The following ESYT2 variants were observed in gnomAD, a reference collection of about 807,000 sequenced individuals.
ESYT2 encodes extended synaptotagmin 2, also known as extended synaptotagmin-2.
A neutral mutation model predicts 107.2 loss-of-function variants in ESYT2; 54 were observed. The ratio of observed to expected loss-of-function variants is 0.50; its 90% CI spans 0.40 to 0.63. The LOEUF is 0.63. Among genes scored for constraint, ESYT2 ranks in the 30% least tolerant of loss-of-function variants. ESYT2 has a pLI of 0.00. For missense variants in ESYT2, 1,020 were observed against 1,094.5 expected (o/e 0.93, Z 0.96); for synonymous variants, 491 against 434.1 (o/e 1.13, Z -1.63).
At chr7:158,760,192 C>A in intron 11 of ESYT2, 45 bp from the exon 12 acceptor site, 1 of 1,559,260 alleles carries the variant, frequency 6.4e-7, no homozygotes, top group East Asian at 2.2e-5. Flanking sequence ...TCTTCTGAAT[C>A]AAAAATCCAA....
intron 13 of ESYT2, among the ~76,000 whole-genome samples, chr7:158,754,295 C>T (rs1837680513): frequency 1.3e-5 from 2 of 152,210 alleles, no homozygotes; most frequent in African/African-American, 4.8e-5. Flanking sequence ...CAACCTCCAC[C>T]TCCTGGGTTC....
chr7:158,756,977 A>C (rs1156478638), intron 13 of ESYT2, among the ~76,000 whole-genome samples: 2 of 151,858 alleles, frequency 1.3e-5, no homozygotes, highest in African/African-American at 2.4e-5. Flanking sequence ...GTGAAACTTT[A>C]CAAAAAAATT....
At position 158,781,620 on chromosome 7, in the gene ESYT2, CGA is replaced by C. The variant is rs1354832298; in HGVS notation, c.747+6382_747+6383del. On this transcript the variant is annotated intron_variant, in intron 6 of 22. Coordinates refer to ENST00000275418, the MANE Select transcript of ESYT2 (RefSeq NM_001367773.1). ...AAGACCGAGAACAAGTGTGAATGAA[CGA>C]GTGTGAGAACAAAGTGAGGTGTGTG... Among the ~76,000 whole-genome samples the C allele has an allele frequency of 9.0e-3, 717 of 79,578 alleles. 2 individuals are homozygous for C. The highest frequency in any genetic ancestry group is 0.021 in the African/African-American group (687 of 32,908). 52.2% of individuals were successfully genotyped at this position (79,578 alleles called of 152,430 possible).
intron 1 of ESYT2, among the ~76,000 whole-genome samples, chr7:158,816,965 T>A (rs1042629151): frequency 2.0e-5 from 3 of 152,222 alleles, no homozygotes; most frequent in African/African-American, 7.2e-5. Context: ...ATTTAAAGAT[T>A]TGTAGCACAA....
Position 158,743,681 on chromosome 7 carries a change from G to A in ESYT2, c.1645-3C>T. ...CACTGGTGCTGCTCGTCTCTGACCT[G>A]CAAAACACAGGGTGGAAACACTGGC... is the stretch of plus-strand genomic sequence containing the variant. On this transcript the variant is annotated splice_region_variant and splice_polypyrimidine_tract_variant and intron_variant, in intron 16 of 22. Transcript: ENST00000275418. The A allele has an allele frequency of 2.5e-6, 4 of 1,606,170 alleles. No individual in the cohort carries two copies. Among genetic ancestry groups the A allele is most frequent in the Non-Finnish European group, 3.4e-6 (4 of 1,177,868 alleles).
At chr7:158,748,052 C>T (rs888047944) in intron 16 of ESYT2, 142 bp downstream of exon 16, 74 of 696,546 alleles carry the variant, frequency 1.1e-4, no homozygotes, top group Non-Finnish European at 1.7e-4. Flanking sequence ...AGGGGAGGCC[C>T]GGGTTACAGA....
At chr7:158,770,543 C>T (rs934907738) in intron 7 of ESYT2, among the ~76,000 whole-genome samples, 1 of 151,334 alleles carries the variant, frequency 6.6e-6, no homozygotes, top group Middle Eastern at 3.2e-3. Context: ...GAGACGGAGT[C>T]TCACTCTGTC....
chr7:158,743,711 C>G (rs71547563), intron 16 of ESYT2, 33 bp from the exon 17 acceptor site: 142,762 of 1,570,628 alleles, frequency 0.091, 7,671 homozygotes, highest in African/African-American at 0.11. Flanking sequence ...ACTGGCATAA[C>G]TAGGATCATG....
At position 158,814,042 on chromosome 7, in the gene ESYT2, G is replaced by A. The variant is rs533564264; in HGVS notation, c.331-14970C>T. 1.5e-3 allele frequency among the ~76,000 whole-genome samples: 224 copies of A among 152,016 alleles called. 1 individual carries two copies. The highest frequency in any genetic ancestry group is 5.2e-3 in the African/African-American group (216 of 41,438). Reference sequence around the variant, plus strand: ...TGATCCCAGCACTTTGGGAGGCCGAGGCAGGTGGATCACGAGGTCAGGAGA... The same window carrying A: ...TGATCCCAGCACTTTGGGAGGCCGAAGCAGGTGGATCACGAGGTCAGGAGA... On this transcript the variant is annotated intron_variant, in intron 1 of 22. Transcript: ENST00000275418.
intron 3 of ESYT2, among the ~76,000 whole-genome samples, chr7:158,795,017 G>C (rs1210547216): frequency 6.6e-6 from 1 of 152,178 alleles, no homozygotes; most frequent in Non-Finnish European, 1.5e-5. Context: ...AAATGGGGCA[G>C]GCATGATGTG....
At chr7:158,736,782 T>A (rs1315485734) in intron 20 of ESYT2, among the ~76,000 whole-genome samples, 1 of 152,246 alleles carries the variant, frequency 6.6e-6, no homozygotes, top group Non-Finnish European at 1.5e-5. Context: ...AATGAGTTCT[T>A]CAGGGCCATC....
intron 3 of ESYT2, among the ~76,000 whole-genome samples, chr7:158,796,684 C>G (rs1477789431): frequency 6.6e-6 from 1 of 152,182 alleles, no homozygotes; most frequent in African/African-American, 2.4e-5. Context: ...GCACCGCGGA[C>G]AAGAAGGCAG....
chr7:158,818,559 G>C (rs1840207060), intron 1 of ESYT2, among the ~76,000 whole-genome samples: 1 of 152,224 alleles, frequency 6.6e-6, no homozygotes. Flanking sequence ...GCCACACCAG[G>C]ACTTGCCTGC....
intron 16 of ESYT2, among the ~76,000 whole-genome samples, chr7:158,744,914 T>C (rs904474910): frequency 4.6e-5 from 7 of 152,184 alleles, no homozygotes; most frequent in Non-Finnish European, 8.8e-5. Context: ...ACAATGTTTG[T>C]GGAACTTTAA....
intron 1 of ESYT2, among the ~76,000 whole-genome samples, chr7:158,799,681 G>A (rs1310788042): frequency 6.6e-6 from 1 of 152,172 alleles, no homozygotes; most frequent in Non-Finnish European, 1.5e-5. Context: ...CTTCCCTTTT[G>A]CTTTTCTCTT....
At chr7:158,748,318 C>A (rs766327574) in intron 15 of ESYT2, 38 bp from the exon 16 acceptor site, 72 of 1,528,450 alleles carry the variant, frequency 4.7e-5, no homozygotes, top group Non-Finnish European at 6.2e-5. Flanking sequence ...CTGATATTTT[C>A]TGTGGAAAAG....
At position 158,733,833 on chromosome 7, in the gene ESYT2, A is replaced by G. The variant is rs1836824799; in HGVS notation, c.*374T>C. 6.2e-6 allele frequency: 1 copy of G among 161,002 alleles called. No individual in the cohort carries two copies. The highest frequency in any genetic ancestry group is 1.4e-5 in the Non-Finnish European group (1 of 73,646). 10.0% of individuals were successfully genotyped at this position (161,002 alleles called of 1,614,324 possible). On this transcript the variant is annotated 3_prime_UTR_variant, in exon 23 of 23. Coordinates refer to ENST00000275418, the MANE Select transcript of ESYT2 (RefSeq NM_001367773.1). ...TATTTCCTTCTGAATTTAAACCAGC[A>G]TGTAAAGATTATAAAAAATAGTCTA...
intron 12 of ESYT2, 59 bp from the exon 13 acceptor site, chr7:158,759,640 C>A: frequency 7.2e-7 from 1 of 1,379,442 alleles, no homozygotes; most frequent in Non-Finnish European, 1.0e-6. Flanking sequence ...GATACTATTT[C>A]TATCTGATTG....
chr7:158,780,185 C>T (rs558923547), intron 6 of ESYT2, among the ~76,000 whole-genome samples: 5 of 152,218 alleles, frequency 3.3e-5, no homozygotes, highest in Non-Finnish European at 7.3e-5. Flanking sequence ...ATTTTCCTCA[C>T]CAGTAACACG....
Sources: gnomAD v4.1 joint callset for allele counts (sites outside exome capture counted in the v4.1 genomes callset) on GRCh38, gnomAD v4.1.1 for gene constraint, MANE v1.5 for transcripts, NCBI Gene and HGNC (gene_info 2026-07-23, HGNC 2026-07-21) for gene names.